PCSK2: variants seen among roughly 807,000 people sequenced by gnomAD.
The protein encoded by PCSK2 is neuroendocrine convertase 2.
Under a neutral mutation model 69.7 loss-of-function variants are expected in PCSK2, and 14 were observed. The ratio of observed to expected loss-of-function variants is 0.20; its 90% confidence interval spans 0.13 to 0.31. The LOEUF is 0.31. PCSK2 is among the 10% of genes least tolerant of loss of function. The pLI is 1.00. For synonymous variants in PCSK2, 307 were observed against 320.7 expected (o/e 0.96, Z 0.46); for missense variants, 544 against 842.5 (o/e 0.65, Z 4.39).
chr20:17,408,352 A>G (rs1416487804), intron 5 of PCSK2, among the ~76,000 whole-genome samples: 1 of 152,200 alleles, frequency 6.6e-6, no homozygotes, highest in Non-Finnish European at 1.5e-5. Context: ...CTCCCATTAC[A>G]GACCAGAATA....
chr20:17,463,843 AATGAGTT>A (rs1229384694), intron 10 of PCSK2: 2 of 152,156 alleles, frequency 1.3e-5, no homozygotes, highest in African/African-American at 2.4e-5. Flanking sequence ...AATTTTATCA[AATGAGTT>A]ATGTTGCTCC....
intron 11 of PCSK2, among the ~76,000 whole-genome samples, chr20:17,466,510 C>T (rs951464722): frequency 2.0e-5 from 3 of 152,178 alleles, no homozygotes; most frequent in African/African-American, 7.2e-5. Context: ...GTATGGGGTT[C>T]CCTACACAGA....
At chr20:17,239,746 T>C (rs540156081) in intron 1 of PCSK2, among the ~76,000 whole-genome samples, 5 of 150,896 alleles carry the variant, frequency 3.3e-5, no homozygotes, top group Admixed American at 2.0e-4. Context: ...CACTAAGACA[T>C]GGATTTGGGA....
intron 11 of PCSK2, 50 bp downstream of exon 11, chr20:17,465,603 A>G (rs181032302): frequency 6.5e-5 from 70 of 1,080,358 alleles, no homozygotes; most frequent in Admixed American, 9.7e-5. Flanking sequence ...TGCCCCTGAG[A>G]TGGCTCCATG....
intron 10 of PCSK2, among the ~76,000 whole-genome samples, chr20:17,462,264 C>A (rs1015346082): frequency 6.6e-6 from 1 of 152,038 alleles, no homozygotes; most frequent in Non-Finnish European, 1.5e-5. Flanking sequence ...AACCTCTGAA[C>A]CTGGACATCA....
rs545705365 is a variant in PCSK2, at chr20:17,409,930, T to C, written c.620+591T>C. 2.6e-5 allele frequency among the ~76,000 whole-genome samples: 4 copies of C among 152,336 alleles called. No homozygotes were observed. The South Asian group carries it at 6.2e-4, about 24-fold the overall frequency. ...AAATGTGGTCTCTTTTTTCTTCAAG[T>C]AAACATTTTTCTTAAATGGTTAATT... On this transcript the variant is annotated intron_variant, in intron 6 of 11. Coordinates refer to ENST00000262545, the MANE Select transcript of PCSK2 (RefSeq NM_002594.5).
chr20:17,447,924 C>G (rs1263017970), intron 8 of PCSK2, among the ~76,000 whole-genome samples: 1 of 152,110 alleles, frequency 6.6e-6, no homozygotes, highest in African/African-American at 2.4e-5. Context: ...CAAGCCCGTT[C>G]TTATACTTTG....
At chr20:17,234,203 G>C (rs1212164115) in intron 1 of PCSK2, among the ~76,000 whole-genome samples, 1 of 152,282 alleles carries the variant, frequency 6.6e-6, no homozygotes, top group African/African-American at 2.4e-5. Flanking sequence ...AGTTCTGTGA[G>C]AGCACACATA....
At chr20:17,259,540 T>A (rs1406776384) in intron 1 of PCSK2, among the ~76,000 whole-genome samples, 3 of 152,198 alleles carry the variant, frequency 2.0e-5, no homozygotes, top group Admixed American at 6.5e-5. Flanking sequence ...CAAGTTACCT[T>A]GAATCATAGA....
chr20:17,277,511 G>A (rs1201799781), intron 2 of PCSK2, among the ~76,000 whole-genome samples: 1 of 152,160 alleles, frequency 6.6e-6, no homozygotes, highest in Admixed American at 6.5e-5. Context: ...AAACTGGCTA[G>A]CCATATGTAG....
intron 2 of PCSK2, among the ~76,000 whole-genome samples, chr20:17,347,190 G>A (rs1009325811): frequency 6.6e-6 from 1 of 152,140 alleles, no homozygotes; most frequent in Non-Finnish European, 1.5e-5. Context: ...GAAAACTTAA[G>A]CTGTGTAATT....
chr20:17,431,165 G>A (rs1022490635), intron 7 of PCSK2, among the ~76,000 whole-genome samples: 5 of 152,148 alleles, frequency 3.3e-5, no homozygotes, highest in African/African-American at 1.2e-4. Context: ...AAGGAATGGA[G>A]GCCAACGAAG....
intron 2 of PCSK2, among the ~76,000 whole-genome samples, chr20:17,271,927 T>G (rs1453732355): frequency 6.6e-6 from 1 of 152,070 alleles, no homozygotes. Flanking sequence ...ATAGAACACC[T>G]CTATGACTAG....
At chr20:17,375,179 G>A (rs544369275) in intron 5 of PCSK2, among the ~76,000 whole-genome samples, 8 of 152,112 alleles carry the variant, frequency 5.3e-5, no homozygotes, top group African/African-American at 1.2e-4. Flanking sequence ...AGGTTACAAC[G>A]TTGCACAATT....
At chr20:17,384,024 C>A (rs1426855249) in intron 5 of PCSK2, among the ~76,000 whole-genome samples, 1 of 152,116 alleles carries the variant, frequency 6.6e-6, no homozygotes, top group Middle Eastern at 3.2e-3. Context: ...CACCAAATTA[C>A]AAGTAATTAA....
At chr20:17,358,899 C>T (rs1163436887) in intron 3 of PCSK2, among the ~76,000 whole-genome samples, 1 of 152,186 alleles carries the variant, frequency 6.6e-6, no homozygotes, top group African/African-American at 2.4e-5. Flanking sequence ...GCAAAAAGAG[C>T]ATCTATTAAT....
chr20:17,451,438 G>A (rs1438079678), intron 8 of PCSK2, among the ~76,000 whole-genome samples: 4 of 152,186 alleles, frequency 2.6e-5, no homozygotes, highest in East Asian at 3.9e-4. Flanking sequence ...TCTGGCAGCT[G>A]TCAGCAGGGG....
intron 7 of PCSK2, among the ~76,000 whole-genome samples, chr20:17,434,264 G>A (rs1040377399): frequency 2.7e-5 from 4 of 150,088 alleles, no homozygotes; most frequent in Admixed American, 6.6e-5. Flanking sequence ...TCTCTCACTC[G>A]GTCTACTCTC....
At chr20:17,387,613 G>A (rs1232774155) in intron 5 of PCSK2, among the ~76,000 whole-genome samples, 1 of 152,100 alleles carries the variant, frequency 6.6e-6, no homozygotes, top group African/African-American at 2.4e-5. Flanking sequence ...GGACCAAAAT[G>A]GAAGCTACAA....
Sources: allele counts gnomAD v4.1 joint callset (sites outside exome capture counted in the v4.1 genomes callset), GRCh38; gene constraint gnomAD v4.1.1; transcripts MANE v1.5; gene names NCBI Gene and HGNC (gene_info 2026-07-23, HGNC 2026-07-21).